MRPL3: variants seen among roughly 807,000 people sequenced by gnomAD.
MRPL3 encodes large ribosomal subunit protein uL3m.
MRPL3 carries 43 observed loss-of-function variants against 44.3 expected under a neutral mutation model. The ratio of observed to expected loss-of-function variants is 0.97; its 90% CI spans 0.76 to 1.25. The LOEUF (loss-of-function observed/expected upper bound fraction) is 1.25, where lower values mean the gene tolerates loss of function less well. Ranked by LOEUF, MRPL3 falls within the 50% of genes most tolerant of loss-of-function variation. The probability of loss-of-function intolerance (pLI) is 0.00; values close to 1 mark genes in which losing one functional copy is unlikely to be tolerated. For missense variants in MRPL3, 406 were observed against 427.6 expected, an observed-to-expected ratio of 0.95 and a Z score of 0.45; for synonymous variants, 171 against 152.3, an observed-to-expected ratio of 1.12 and a Z score of -0.91.
chr3:131,480,578 G>C, intron 6 of MRPL3, among the ~76,000 whole-genome samples: 1 of 152,126 alleles, frequency 6.6e-6, no homozygotes, highest in East Asian at 1.9e-4. Context: ...TCATTTAATA[G>C]TACAAAGAGT....
chr3:131,467,833 G>A (rs1419168193), intron 9 of MRPL3, among the ~76,000 whole-genome samples: 1 of 151,884 alleles, frequency 6.6e-6, no homozygotes, highest in African/African-American at 2.4e-5. Context: ...CTTTTTACAG[G>A]TTCTTGGTTT....
At position 131,462,611 on chromosome 3, in the gene MRPL3, T is replaced by C. The variant is rs1032403637; in HGVS notation, c.*112A>G. Reference sequence around the variant, plus strand: ...ATTTATGCCCTTGACAAAGATGACATGTGTGATTTTGTTGTGACTAAGAAA... The same window carrying C: ...ATTTATGCCCTTGACAAAGATGACACGTGTGATTTTGTTGTGACTAAGAAA... On this transcript the variant is annotated 3_prime_UTR_variant, in exon 10 of 10. Coordinates refer to ENST00000264995, the MANE Select transcript of MRPL3 (RefSeq NM_007208.4). 3 of 988,790 alleles carry C rather than the reference T, an allele frequency of 3.0e-6. No homozygotes were observed. Among genetic ancestry groups the C allele is most frequent in the African/African-American group, 3.3e-5 (2 of 61,204 alleles). The allele number at this position is 988,790 out of a possible 1,614,324, so 61.3% of individuals were successfully genotyped here.
rs1174288425 is a variant in MRPL3, at chr3:131,467,450, G to A, written c.894+641C>T. Among the ~76,000 whole-genome samples, 6 of 152,000 alleles carry A rather than the reference G, an allele frequency of 3.9e-5. No individual in the cohort carries two copies. In the South Asian group the frequency reaches 6.3e-4, roughly 16 times the overall value. On this transcript the variant is annotated intron_variant, in intron 9 of 9. Coordinates refer to ENST00000264995, the MANE Select transcript of MRPL3 (RefSeq NM_007208.4). ...TGATATGGTTTGGATTTTTGTCCCC[G>A]CCCAAATCTCATGTCAAATTGTAAT...
chr3:131,481,978 T>C (rs1172376273), intron 6 of MRPL3, among the ~76,000 whole-genome samples: 1 of 152,184 alleles, frequency 6.6e-6, no homozygotes, highest in African/African-American at 2.4e-5. Context: ...AATGAGCTTG[T>C]GGGCAGAGTT....
rs11549725 is a variant in MRPL3, at chr3:131,502,831, C to T, written c.-10G>A. 3.1e-6 allele frequency: 5 copies of T among 1,610,790 alleles called. No individual in the cohort carries two copies. Among genetic ancestry groups the T allele is most frequent in the Non-Finnish European group, 4.2e-6 (5 of 1,179,006 alleles). On this transcript the variant is annotated 5_prime_UTR_variant, in exon 1 of 10. Transcript: ENST00000264995. Reference sequence around the variant, plus strand: ...GCCTCCAACCCGGCATGGATTAGCCCGGGAAGACTCGACTCACGACTTCCG... The same window carrying T: ...GCCTCCAACCCGGCATGGATTAGCCTGGGAAGACTCGACTCACGACTTCCG...
intron 4 of MRPL3, among the ~76,000 whole-genome samples, chr3:131,494,395 CT>C (rs1237587871): frequency 6.6e-6 from 1 of 152,186 alleles, no homozygotes; most frequent in Non-Finnish European, 1.5e-5. Context: ...AACAGTATGG[CT>C]CCTTTAAATT....
intron 1 of MRPL3, chr3:131,501,991 G>A (rs1269692511): frequency 7.6e-7 from 1 of 1,307,966 alleles, no homozygotes; most frequent in Non-Finnish European, 1.1e-6. Flanking sequence ...CCTACCTATA[G>A]ACATGAAAAG....
chr3:131,471,093 T>C, intron 7 of MRPL3, 78 bp downstream of exon 7: 3 of 991,636 alleles, frequency 3.0e-6, no homozygotes, highest in Non-Finnish European at 4.8e-6. Flanking sequence ...TGTGACTTCA[T>C]ATCAAGGACG....
intron 6 of MRPL3, among the ~76,000 whole-genome samples, chr3:131,476,677 T>G (rs946496820): frequency 1.7e-4 from 26 of 152,212 alleles, no homozygotes; most frequent in African/African-American, 6.3e-4. Flanking sequence ...TTAGAGTATC[T>G]ATACTAAAAT....
intron 4 of MRPL3, 108 bp from the exon 5 acceptor site, chr3:131,490,188 A>G: frequency 2.7e-6 from 2 of 751,700 alleles, no homozygotes; most frequent in Middle Eastern, 3.1e-4. Flanking sequence ...AAATCAAAGC[A>G]TACCTTATTC....
intron 4 of MRPL3, among the ~76,000 whole-genome samples, chr3:131,495,692 ACT>A (rs1372225338): frequency 2.0e-5 from 3 of 152,310 alleles, no homozygotes; most frequent in African/African-American, 4.8e-5. Context: ...AATTATTAGT[ACT>A]GTTATAGTAA....
intron 4 of MRPL3, among the ~76,000 whole-genome samples, chr3:131,490,889 G>A (rs138267740): frequency 8.0e-4 from 122 of 152,126 alleles, no homozygotes; most frequent in African/African-American, 2.7e-3. Flanking sequence ...TGTCAAACTG[G>A]GGCTGGAAAT....
chr3:131,496,134 A>C (rs1323712582), intron 4 of MRPL3, among the ~76,000 whole-genome samples: 1 of 152,232 alleles, frequency 6.6e-6, no homozygotes, highest in Admixed American at 6.5e-5. Flanking sequence ...AATGAAAATG[A>C]AGATGATGAT....
At position 131,502,963 on chromosome 3, in the gene MRPL3, G is replaced by T. The variant is rs565146960; in HGVS notation, c.-142C>A. ...GCCGCCGGAACGGTCGCCGGCCGAT[G>T]CTCTCTGCGACGGAAAGAAAGCCGC... is the stretch of plus-strand genomic sequence containing the variant. On this transcript the variant is annotated 5_prime_UTR_variant, in exon 1 of 10. Transcript: ENST00000264995. 2.5e-6 allele frequency: 2 copies of T among 788,038 alleles called. No individual in the cohort carries two copies. Among genetic ancestry groups the T allele is most frequent in the African/African-American group, 1.7e-5 (1 of 58,604 alleles). 48.8% of individuals were successfully genotyped at this position (788,038 alleles called of 1,614,324 possible).
At chr3:131,486,616 GA>G (rs1436712343) in intron 6 of MRPL3, among the ~76,000 whole-genome samples, 1 of 151,402 alleles carries the variant, frequency 6.6e-6, no homozygotes, top group Non-Finnish European at 1.5e-5. Context: ...AAATTTACAA[GA>G]AAAAAACCAA....
chr3:131,471,640 T>C (rs1160050872), intron 6 of MRPL3, among the ~76,000 whole-genome samples: 1 of 152,176 alleles, frequency 6.6e-6, no homozygotes, highest in Non-Finnish European at 1.5e-5. Context: ...ATAGCAGATA[T>C]GGCAAGCAGC....
At chr3:131,481,037 G>C (rs1436692833) in intron 6 of MRPL3, among the ~76,000 whole-genome samples, 1 of 152,174 alleles carries the variant, frequency 6.6e-6, no homozygotes, top group Non-Finnish European at 1.5e-5. Flanking sequence ...CCAGGTCATA[G>C]TGCCTCTCAA....
At chr3:131,467,653 C>T (rs1457734030) in intron 9 of MRPL3, among the ~76,000 whole-genome samples, 2 of 152,114 alleles carry the variant, frequency 1.3e-5, no homozygotes, top group African/African-American at 4.8e-5. Flanking sequence ...CTCTCCTTCC[C>T]CTTTTGCCAT....
intron 4 of MRPL3, among the ~76,000 whole-genome samples, chr3:131,491,755 C>G (rs1934260371): frequency 6.6e-6 from 1 of 152,118 alleles, no homozygotes; most frequent in Admixed American, 6.6e-5. Context: ...CCACTATCTT[C>G]TGCCTGGATT....
Sources: allele counts gnomAD v4.1 joint callset (sites outside exome capture counted in the v4.1 genomes callset), GRCh38; gene constraint gnomAD v4.1.1; transcripts MANE v1.5; gene names NCBI Gene and HGNC (gene_info 2026-07-23, HGNC 2026-07-21).